Variants in STK32B observed in about 807,000 individuals in gnomAD.
STK32B encodes serine/threonine kinase 32B.
STK32B carries 43 observed loss-of-function variants against 52.6 expected under a neutral mutation model. The observed-to-expected ratio is 0.82, with a 90% CI of 0.64 to 1.05. The LOEUF is 1.05. Among genes scored for constraint, STK32B ranks in the 50% least tolerant of loss-of-function variants. STK32B has a pLI of 0.00. For missense variants in STK32B, 621 were observed against 534.6 expected, an observed-to-expected ratio of 1.16 and a Z score of -1.59; for synonymous variants, 238 against 204.3, an observed-to-expected ratio of 1.17 and a Z score of -1.41.
intron 3 of STK32B, among the ~76,000 whole-genome samples, chr4:5,305,583 T>A (rs1577319388): frequency 6.6e-6 from 1 of 152,248 alleles, no homozygotes; most frequent in East Asian, 1.9e-4. Context: ...CTTATTTGGA[T>A]CTCTTTTCTT....
At chr4:5,301,664 CTTT>C (rs3077861) in intron 3 of STK32B, among the ~76,000 whole-genome samples, 12 of 108,526 alleles carry the variant, frequency 1.1e-4, no homozygotes, top group Non-Finnish European at 1.9e-4. Flanking sequence ...TCTTTTCTTT[CTTT>C]TTTTTTTTTT....
intron 3 of STK32B, among the ~76,000 whole-genome samples, chr4:5,198,123 T>G (rs183454288): frequency 2.0e-5 from 3 of 152,314 alleles, no homozygotes; most frequent in Non-Finnish European, 4.4e-5. Context: ...AAAATCTATA[T>G]AAAGTGAGGG....
intron 4 of STK32B, among the ~76,000 whole-genome samples, chr4:5,339,827 G>A (rs528921358): frequency 6.6e-6 from 1 of 152,108 alleles, no homozygotes; most frequent in East Asian, 1.9e-4. Context: ...ATGAGAAAAT[G>A]TTCATAAAGA....
At chr4:5,339,291 T>C (rs1160110552) in intron 4 of STK32B, among the ~76,000 whole-genome samples, 1 of 152,238 alleles carries the variant, frequency 6.6e-6, no homozygotes, top group Admixed American at 6.5e-5. Context: ...ATCTCTGTTA[T>C]ATATGTATAT....
At chr4:5,207,862 C>G (rs1455191395) in intron 3 of STK32B, among the ~76,000 whole-genome samples, 1 of 151,968 alleles carries the variant, frequency 6.6e-6, no homozygotes, top group African/African-American at 2.4e-5. Flanking sequence ...CTCTTCTGGA[C>G]ATTTCAGTTT....
chr4:5,219,283 A>G (rs1368216329), intron 3 of STK32B, among the ~76,000 whole-genome samples: 1 of 152,188 alleles, frequency 6.6e-6, no homozygotes, highest in Non-Finnish European at 1.5e-5. Context: ...CCTCATGGGA[A>G]AGGACTGGGC....
At chr4:5,166,998 C>T (rs367969454) in intron 2 of STK32B, among the ~76,000 whole-genome samples, 1 of 148,854 alleles carries the variant, frequency 6.7e-6, no homozygotes, top group African/African-American at 2.5e-5. Flanking sequence ...ACTGTCCATG[C>T]CACATGTGCA....
chr4:5,292,083 G>A (rs1378284994), intron 3 of STK32B, among the ~76,000 whole-genome samples: 2 of 152,096 alleles, frequency 1.3e-5, no homozygotes, highest in South Asian at 2.1e-4. Context: ...TTGTTATTGT[G>A]AACAATGCTG....
chr4:5,438,530 G>A (rs1436000781), intron 6 of STK32B, among the ~76,000 whole-genome samples: 1 of 152,326 alleles, frequency 6.6e-6, no homozygotes, highest in East Asian at 1.9e-4. Flanking sequence ...TCTGGTTTGG[G>A]TAACTGATGG....
intron 3 of STK32B, among the ~76,000 whole-genome samples, chr4:5,242,718 A>G (rs1189104658): frequency 6.6e-6 from 1 of 152,144 alleles, no homozygotes; most frequent in Non-Finnish European, 1.5e-5. Flanking sequence ...TAGGTCTAAC[A>G]TGTAAGTCTT....
intron 3 of STK32B, among the ~76,000 whole-genome samples, chr4:5,304,885 T>A (rs1322682305): frequency 6.6e-6 from 1 of 152,120 alleles, no homozygotes; most frequent in African/African-American, 2.4e-5. Flanking sequence ...TTGTTGAGGT[T>A]TTTAATCATA....
chr4:5,027,885 C>G, the STK32B span, among the ~76,000 whole-genome samples: 2 of 152,130 alleles, frequency 1.3e-5, no homozygotes, highest in Admixed American at 1.3e-4. Flanking sequence ...ACAAGCAGAG[C>G]TGGGAGATGG....
At chr4:5,137,027 A>G (rs1288909342) in intron 1 of STK32B, among the ~76,000 whole-genome samples, 3 of 152,228 alleles carry the variant, frequency 2.0e-5, no homozygotes, top group Non-Finnish European at 4.4e-5. Flanking sequence ...TTACAATGTT[A>G]TAACACTAAT....
At chr4:5,350,525 T>C (rs767872166) in intron 4 of STK32B, among the ~76,000 whole-genome samples, 3 of 151,902 alleles carry the variant, frequency 2.0e-5, no homozygotes, top group Non-Finnish European at 4.4e-5. Flanking sequence ...AACTCAAATG[T>C]TACCAGTAGA....
chr4:5,226,413 T>C (rs1012170971), intron 3 of STK32B, among the ~76,000 whole-genome samples: 3 of 152,146 alleles, frequency 2.0e-5, no homozygotes, highest in African/African-American at 7.2e-5. Context: ...TCAACCATGG[T>C]CCAAAAACAT....
At chr4:5,283,204 C>T (rs1728321211) in intron 3 of STK32B, among the ~76,000 whole-genome samples, 1 of 152,012 alleles carries the variant, frequency 6.6e-6, no homozygotes, top group Non-Finnish European at 1.5e-5. Context: ...TTTCGCTGAG[C>T]ATAATGTGCT....
chr4:5,463,484 ACACT>A (rs1439493006), intron 9 of STK32B, among the ~76,000 whole-genome samples: 3 of 150,930 alleles, frequency 2.0e-5, no homozygotes, highest in Non-Finnish European at 4.4e-5. Flanking sequence ...ACACTCAGTC[ACACT>A]CACACATAGA....
chr4:5,095,564 G>A (rs1452106240), intron 1 of STK32B, among the ~76,000 whole-genome samples: 1 of 152,158 alleles, frequency 6.6e-6, no homozygotes, highest in Non-Finnish European at 1.5e-5. Flanking sequence ...GCAGTGAGCC[G>A]AGATCATGCC....
intron 1 of STK32B, among the ~76,000 whole-genome samples, chr4:5,106,464 C>T (rs1180463969): frequency 6.6e-6 from 1 of 152,052 alleles, no homozygotes; most frequent in Admixed American, 6.5e-5. Context: ...CCCTAGAAAA[C>T]TTTGGTTTTA....
Sources: allele counts gnomAD v4.1 joint callset (sites outside exome capture counted in the v4.1 genomes callset), GRCh38; gene constraint gnomAD v4.1.1; transcripts MANE v1.5; gene names NCBI Gene and HGNC (gene_info 2026-07-23, HGNC 2026-07-21).